The following MED15 variants were observed in gnomAD, a reference collection of about 807,000 sequenced individuals.
The protein encoded by MED15 is mediator complex subunit 15, also known as mediator of RNA polymerase II transcription subunit 15.
In MED15, 41 loss-of-function variants were observed where a neutral mutation model predicts 118.7. The ratio of observed to expected loss-of-function variants is 0.35; its 90% CI spans 0.27 to 0.45. MED15 has a LOEUF of 0.45. Ranked by LOEUF, MED15 falls within the 20% of genes least tolerant of loss-of-function variation. The pLI is 1.00. For synonymous variants in MED15, 436 were observed against 413.9 expected (o/e 1.05, Z -0.65); for missense variants, 740 against 1,025.5 (o/e 0.72, Z 3.80).
At position 20,575,205 on chromosome 22, in the gene MED15, C is replaced by A; in HGVS notation, c.1245C>A (p.Ile415=). The A allele has an allele frequency of 6.2e-7, 1 of 1,614,126 alleles. No homozygotes were observed. Among genetic ancestry groups the A allele is most frequent in the Non-Finnish European group, 8.5e-7 (1 of 1,180,044 alleles). ...TAVSAIPSSS[I]PLGRQPMAQV... Reference sequence around the variant, plus strand: ...TGTCCGCCATCCCGTCAAGCTCCATCCCTTTGGGCAGACAGCCCATGGCAC... The same window carrying A: ...TGTCCGCCATCCCGTCAAGCTCCATACCTTTGGGCAGACAGCCCATGGCAC... Residue 415 remains isoleucine, a synonymous_variant, in exon 9 of 18, where the codon ATC becomes ATA. Transcript: ENST00000263205.
intron 1 of MED15, chr22:20,508,161 T>G (rs1428193777): frequency 8.2e-7 from 1 of 1,216,000 alleles, no homozygotes; most frequent in Admixed American, 3.6e-5. Flanking sequence ...AAGAAAGTGA[T>G]GGGAGGAGGG....
chr22:20,567,378 A>G (rs959221860), intron 7 of MED15, among the ~76,000 whole-genome samples: 9 of 152,218 alleles, frequency 5.9e-5, no homozygotes, highest in African/African-American at 2.2e-4. Context: ...AGGACAGAGT[A>G]TGATCACCAG....
chr22:20,553,291 G>A, intron 4 of MED15, 117 bp downstream of exon 4: 1 of 1,095,782 alleles, frequency 9.1e-7, no homozygotes, highest in South Asian at 1.4e-5. Flanking sequence ...GAGAATGCTT[G>A]CGGAGAGAAC....
chr22:20,535,457 A>G (rs537929609), intron 1 of MED15, among the ~76,000 whole-genome samples: 3 of 152,212 alleles, frequency 2.0e-5, no homozygotes, highest in South Asian at 2.1e-4. Flanking sequence ...TGGAGTGGTC[A>G]GAATGCTTTC....
intron 3 of MED15, chr22:20,552,458 C>G (rs1831874326): frequency 2.8e-6 from 1 of 357,226 alleles, no homozygotes; most frequent in Non-Finnish European, 5.8e-6. Flanking sequence ...TGGAAAGTCA[C>G]TGGGATGTGT....
At chr22:20,546,099 A>G (rs1251842167) in intron 2 of MED15, among the ~76,000 whole-genome samples, 1 of 152,034 alleles carries the variant, frequency 6.6e-6, no homozygotes, top group African/African-American at 2.4e-5. Flanking sequence ...TTTTTTCCTA[A>G]TAGTTGGCTT....
In MED15 at chr22:20,526,914, C is replaced by T. The variant is rs553703384; in HGVS notation, c.69-10203C>T. Among the ~76,000 whole-genome samples, 23 of 152,310 alleles carry T rather than the reference C, an allele frequency of 1.5e-4. 1 individual carries two copies. In the South Asian group the frequency reaches 4.8e-3, roughly 32 times the overall value. ...TGTCTCATCCTTTGTGATTTATTCC[C>T]TCATTCTGCCAGCTTCCTGAGAAGG... On this transcript the variant is annotated intron_variant, in intron 1 of 17. Transcript: ENST00000263205.
intron 5 of MED15, among the ~76,000 whole-genome samples, chr22:20,560,036 G>C (rs1325858514): frequency 6.6e-6 from 1 of 152,188 alleles, no homozygotes; most frequent in Non-Finnish European, 1.5e-5. Flanking sequence ...TGTCACTACT[G>C]TGGGGGTGCT....
At chr22:20,539,089 A>G (rs1016874660) in intron 2 of MED15, among the ~76,000 whole-genome samples, 1 of 151,882 alleles carries the variant, frequency 6.6e-6, no homozygotes, top group Admixed American at 6.6e-5. Flanking sequence ...CATGTTTGGT[A>G]TATACTTTAT....
chr22:20,532,569 T>C (rs115254091), intron 1 of MED15, among the ~76,000 whole-genome samples: 30 of 152,258 alleles, frequency 2.0e-4, no homozygotes, highest in African/African-American at 7.2e-4. Context: ...AGGCAGAGCA[T>C]TGGAGCCCAG....
chr22:20,533,563 C>G (rs575684195), intron 1 of MED15, among the ~76,000 whole-genome samples: 4 of 152,248 alleles, frequency 2.6e-5, no homozygotes, highest in South Asian at 2.1e-4. Context: ...GAGCGGTAGC[C>G]TTGCTGGAGG....
rs113611567 is a variant in MED15 at position 20,521,979 on chromosome 22, C to T, written c.68+14233C>T. 29 of 152,298 alleles carry T rather than the reference C, an allele frequency of 1.9e-4. 1 individual carries two copies. Among genetic ancestry groups the T allele is most frequent in the African/African-American group, 7.0e-4 (29 of 41,552 alleles). The allele number at this position is 152,298 out of a possible 1,614,324, so 9.4% of individuals were successfully genotyped here. On this transcript the variant is annotated intron_variant, in intron 1 of 17. Transcript: ENST00000263205. ...GACCTGACCTCAGGTGATCCACCCGCCTTGGCCTCCCAAAATACTGGGATT... is the reference window on the plus strand; with the variant it reads ...GACCTGACCTCAGGTGATCCACCCGTCTTGGCCTCCCAAAATACTGGGATT...
At chr22:20,520,342 T>C (rs2054402345) in intron 1 of MED15, among the ~76,000 whole-genome samples, 1 of 152,218 alleles carries the variant, frequency 6.6e-6, no homozygotes, top group Non-Finnish European at 1.5e-5. Context: ...ATGAGTCTGC[T>C]ATGTGTGAGA....
intron 2 of MED15, among the ~76,000 whole-genome samples, chr22:20,540,073 G>T (rs766691868): frequency 6.6e-6 from 1 of 152,046 alleles, no homozygotes; most frequent in Non-Finnish European, 1.5e-5. Context: ...GGCCAGGCTG[G>T]AGTGCAGTGG....
rs748761963 is a variant in MED15 at position 20,582,981 on chromosome 22, G to C, written c.1537+14G>C. On this transcript the variant is annotated intron_variant, in intron 11 of 17. Coordinates refer to ENST00000263205, the MANE Select transcript of MED15 (RefSeq NM_001003891.3). ...TAAACACACCTGGTAAGTTGGGCCT[G>C]AGGTGCTAAGGTCACTCCTCACCTT... The C allele has an allele frequency of 6.2e-7, 1 of 1,611,418 alleles. No homozygotes were observed. Among genetic ancestry groups the C allele is most frequent in the South Asian group, 1.1e-5 (1 of 90,698 alleles).
intron 2 of MED15, among the ~76,000 whole-genome samples, chr22:20,541,967 T>G (rs1433120915): frequency 5.3e-5 from 8 of 152,126 alleles, no homozygotes; most frequent in Non-Finnish European, 1.2e-4. Flanking sequence ...CTAACTTTTG[T>G]ATTTTTAGTA....
chr22:20,573,255 A>G (rs2056723937), intron 8 of MED15, among the ~76,000 whole-genome samples: 1 of 152,230 alleles, frequency 6.6e-6, no homozygotes, highest in African/African-American at 2.4e-5. Context: ...GGCGTAAGCC[A>G]CTGTGCCTGG....
intron 8 of MED15, chr22:20,574,642 G>A (rs545144316): frequency 3.2e-5 from 5 of 154,626 alleles, no homozygotes; most frequent in African/African-American, 1.2e-4. Context: ...GGGATGCTGT[G>A]AGCAGGCTTA....
chr22:20,548,150 GT>G (rs752477480), intron 2 of MED15, among the ~76,000 whole-genome samples: 3 of 149,848 alleles, frequency 2.0e-5, no homozygotes, highest in Non-Finnish European at 4.4e-5. Flanking sequence ...GCTTTGATTT[GT>G]TTTTTTTGTT....
Sources: allele counts gnomAD v4.1 joint callset (sites outside exome capture counted in the v4.1 genomes callset), GRCh38; gene constraint gnomAD v4.1.1; transcripts MANE v1.5; gene names NCBI Gene and HGNC (gene_info 2026-07-23, HGNC 2026-07-21).